ATP8B1: variants seen among roughly 807,000 people sequenced by gnomAD.
ATP8B1 encodes phospholipid-transporting ATPase IC.
Under a neutral mutation model 149.9 loss-of-function variants are expected in ATP8B1, and 80 were observed. The ratio of observed to expected loss-of-function variants is 0.53; its 90% CI spans 0.45 to 0.64. The LOEUF (loss-of-function observed/expected upper bound fraction) is 0.64, where lower values mean the gene tolerates loss of function less well. Ranked by LOEUF, ATP8B1 falls within the 30% of genes least tolerant of loss-of-function variation. The pLI, the probability that ATP8B1 is intolerant of heterozygous loss-of-function variation, is 0.00. For missense variants in ATP8B1, 1,247 were observed against 1,552.6 expected, an observed-to-expected ratio of 0.80 and a Z score of 3.31; for synonymous variants, 536 against 562.8, an observed-to-expected ratio of 0.95 and a Z score of 0.67.
In ATP8B1 at chr18:57,725,461, C is replaced by G. The variant is rs1599158965; in HGVS notation, c.181+6166G>C. Among the ~76,000 whole-genome samples, 7 of 152,206 alleles carry G rather than the reference C, an allele frequency of 4.6e-5. 1 individual carries two copies. The highest frequency in any genetic ancestry group is 4.6e-4 in the Admixed American group (7 of 15,282). Reference sequence around the variant, plus strand: ...GTTAAAATGTCCACACTGCCCAAAGCAATCTACAGATTCAATGCAATCTCT... The same window carrying G: ...GTTAAAATGTCCACACTGCCCAAAGGAATCTACAGATTCAATGCAATCTCT... On this transcript the variant is annotated intron_variant, in intron 2 of 27. Coordinates refer to ENST00000648908, the MANE Select transcript of ATP8B1 (RefSeq NM_001374385.1).
intron 1 of ATP8B1, among the ~76,000 whole-genome samples, chr18:57,734,857 T>C (rs538095864): frequency 6.6e-6 from 1 of 152,340 alleles, no homozygotes; most frequent in East Asian, 1.9e-4. Context: ...CTAGGCCGAC[T>C]ATGAATCCCT....
In ATP8B1 at chr18:57,680,585, AAAAACAAAAC is replaced by A. The variant is rs75854777; in HGVS notation, c.1630+3441_1630+3450del. Reference sequence around the variant, plus strand: ...GGCAATAAGAGTGAAACTTGGTCTCAAAAACAAAACAAAACAAAACAAAACAAAACAAAAA... The same window carrying A: ...GGCAATAAGAGTGAAACTTGGTCTCAAAAACAAAACAAAACAAAACAAAAA... On this transcript the variant is annotated intron_variant, in intron 15 of 27. Transcript: ENST00000648908. Among the ~76,000 whole-genome samples, 285 of 144,076 alleles carry A rather than the reference AAAAACAAAAC, an allele frequency of 2.0e-3. 1 individual carries two copies. Among genetic ancestry groups the A allele is most frequent in the East Asian group, 0.017 (80 of 4,782 alleles). The allele number at this position is 144,076 out of a possible 152,430, so 94.5% of individuals were successfully genotyped here. A position where few individuals can be genotyped will look rare whatever the true frequency, so the allele number is the denominator to read the frequency against.
chr18:57,652,140 C>T lies in ATP8B1; in HGVS notation c.3294G>A (p.Val1098=), dbSNP rs1202813260. Residue 1098 remains valine (V), a synonymous_variant, in exon 26 of 28, where the codon GTG becomes GTA. Coordinates refer to ENST00000648908, the MANE Select transcript of ATP8B1 (RefSeq NM_001374385.1). ...TGCTTCCAAAAATTGAAAAAGCATT[C>T]ACAAAAGTCCAATAAGAAGTATCCA... ...IGLDTSYWTF[V]NAFSIFGSIA... The T allele has an allele frequency of 6.2e-7, 1 of 1,613,934 alleles. No homozygotes were observed. Among genetic ancestry groups the T allele is most frequent in the Admixed American group, 1.7e-5 (1 of 59,996 alleles).
At position 57,654,019 on chromosome 18, in the gene ATP8B1, G is replaced by A. The variant is rs776385207; in HGVS notation, c.2988C>T (p.Pro996=). The part of the protein sequence containing the change: ...TLYNVLYTSL[P]VLLMGLLDQD... The stretch of plus-strand genomic sequence containing the variant: ...GGTCGAGCAGCCCCATGAGGAGCAC[G>A]GGCAGGCTGGTGTACAGCACGTTGT... The change falls in exon 24 of 28, where the codon CCC becomes CCT. Residue 996 remains proline (P), a synonymous_variant. Transcript: ENST00000648908. 6.5e-5 allele frequency: 105 copies of A among 1,613,900 alleles called. No homozygotes were observed. The highest frequency in any genetic ancestry group is 8.1e-5 in the Non-Finnish European group (96 of 1,179,968).
intron 8 of ATP8B1, 130 bp from the exon 9 acceptor site, chr18:57,695,662 C>T: frequency 1.3e-6 from 1 of 765,020 alleles, no homozygotes; most frequent in South Asian, 1.5e-5. Flanking sequence ...TATTTTCAAA[C>T]TCTGTTCACC....
intron 26 of ATP8B1, among the ~76,000 whole-genome samples, chr18:57,651,105 A>G (rs561804784): frequency 1.3e-5 from 2 of 152,164 alleles, no homozygotes; most frequent in South Asian, 2.1e-4. Context: ...TTAGGTGATC[A>G]AGACTTCTGA....
chr18:57,731,632 C>T lies in ATP8B1; in HGVS notation c.176G>A (p.Arg59Lys). Residue 59 changes from arginine to lysine, a missense_variant, in exon 2 of 28, where the codon AGA (arginine) becomes AAA (lysine). Transcript: ENST00000648908. ...CCGGGACTTCATGTGGTTACCTTTT[C>T]TGAATGGCTCCCGGTTCTCCTCTGC... is the stretch of plus-strand genomic sequence containing the variant. ...REAEENREPF[R>K]KECTWQVKAN... 1 of 1,614,054 alleles carries T rather than the reference C, an allele frequency of 6.2e-7. No individual in the cohort carries two copies. Among genetic ancestry groups the T allele is most frequent in the Non-Finnish European group, 8.5e-7 (1 of 1,179,984 alleles).
At chr18:57,745,590 G>A (rs887215607) in intron 1 of ATP8B1, among the ~76,000 whole-genome samples, 3 of 151,764 alleles carry the variant, frequency 2.0e-5, no homozygotes, top group South Asian at 2.1e-4. Flanking sequence ...TTTGATTGGC[G>A]TCATTAGTTA....
intron 2 of ATP8B1, among the ~76,000 whole-genome samples, chr18:57,727,886 C>T (rs2079724603): frequency 6.6e-6 from 1 of 152,166 alleles, no homozygotes; most frequent in Non-Finnish European, 1.5e-5. Flanking sequence ...CAGGAAACGA[C>T]AGAGCTCATC....
intron 1 of ATP8B1, among the ~76,000 whole-genome samples, chr18:57,762,638 C>G (rs1427001580): frequency 1.3e-5 from 2 of 152,166 alleles, no homozygotes; most frequent in Non-Finnish European, 2.9e-5. Context: ...CAATAGGCTG[C>G]TTATATCCCG....
chr18:57,735,787 C>T (rs1006208623), intron 1 of ATP8B1, among the ~76,000 whole-genome samples: 1 of 55,526 alleles, frequency 1.8e-5, no homozygotes, highest in African/African-American at 6.0e-5. Context: ...AATTTCCCTA[C>T]TAAGTCTTTA....
intron 1 of ATP8B1, among the ~76,000 whole-genome samples, chr18:57,746,321 G>C (rs534628033): frequency 6.6e-6 from 1 of 152,188 alleles, no homozygotes; most frequent in South Asian, 2.1e-4. Context: ...GGCTTGAAGA[G>C]GTTAGGTGGC....
At chr18:57,692,261 T>C (rs1912570906) in intron 11 of ATP8B1, among the ~76,000 whole-genome samples, 1 of 152,124 alleles carries the variant, frequency 6.6e-6, no homozygotes, top group African/African-American at 2.4e-5. Flanking sequence ...AGGTGGTGTC[T>C]TATATTCAAA....
In ATP8B1 at chr18:57,682,811, T is replaced by C. The variant is rs562967842; in HGVS notation, c.1630+1225A>G. On this transcript the variant is annotated intron_variant, in intron 15 of 27. Coordinates refer to ENST00000648908, the MANE Select transcript of ATP8B1 (RefSeq NM_001374385.1). ...GGTTTCTTTGAAACTTGCTGAAAGG[T>C]ATCATGTACAGCTTCTATACATTTA... Among the ~76,000 whole-genome samples, 137 of 152,144 alleles carry C rather than the reference T, an allele frequency of 9.0e-4. 2 individuals are homozygous for C. The highest frequency in any genetic ancestry group is 1.3e-3 in the Non-Finnish European group (90 of 68,026).
intron 2 of ATP8B1, among the ~76,000 whole-genome samples, chr18:57,727,078 CAAAT>C (rs1165695764): frequency 2.0e-5 from 3 of 152,020 alleles, no homozygotes; most frequent in Admixed American, 6.6e-5. Context: ...GAGATTCTGT[CAAAT>C]AAATAAATAA....
intron 1 of ATP8B1, among the ~76,000 whole-genome samples, chr18:57,759,155 C>CAAAAAAAAAAAAAA (rs566728161): frequency 6.1e-4 from 65 of 106,272 alleles, no homozygotes; most frequent in South Asian, 1.1e-3. Flanking sequence ...GATTCCATCT[C>CAAAAAAAAAAAAAA]AAAAAAAAAA....
intron 1 of ATP8B1, among the ~76,000 whole-genome samples, chr18:57,799,804 A>G (rs1050164668): frequency 1.3e-5 from 2 of 152,156 alleles, no homozygotes; most frequent in African/African-American, 4.8e-5. Context: ...GCACATATAT[A>G]TGCTTTCAGA....
chr18:57,759,824 A>AG (rs1267225048), intron 1 of ATP8B1, among the ~76,000 whole-genome samples: 39 of 124,950 alleles, frequency 3.1e-4, no homozygotes, highest in Non-Finnish European at 6.1e-4. Context: ...GTCTCGGGAA[A>AG]GAAAAAAAAA....
At chr18:57,706,657 C>G in intron 2 of ATP8B1, 70 bp from the exon 3 acceptor site, 1 of 1,272,976 alleles carries the variant, frequency 7.9e-7, no homozygotes. Flanking sequence ...ATTGTGTCTT[C>G]CCCAGATTCA....
Sources: allele counts gnomAD v4.1 joint callset (sites outside exome capture counted in the v4.1 genomes callset), GRCh38; gene constraint gnomAD v4.1.1; transcripts MANE v1.5; gene names NCBI Gene and HGNC (gene_info 2026-07-23, HGNC 2026-07-21).